Variants in ANKRD11 observed in about 807,000 individuals in gnomAD.
ANKRD11 encodes the protein ankyrin repeat domain 11, also known as ankyrin repeat domain-containing protein 11.
ANKRD11 carries 17 observed loss-of-function variants against 195.7 expected under a neutral mutation model. That is an observed-to-expected ratio of 0.09 (90% CI 0.06 to 0.13). ANKRD11 has a LOEUF of 0.13. ANKRD11 is among the 10% of genes least tolerant of loss of function. The probability of loss-of-function intolerance (pLI) is 1.00; values close to 1 mark genes in which losing one functional copy is unlikely to be tolerated. For synonymous variants in ANKRD11, 1,953 were observed against 1,528.1 expected, an observed-to-expected ratio of 1.28 and a Z score of -6.49; for missense variants, 3,735 against 3,566.1, an observed-to-expected ratio of 1.05 and a Z score of -1.21.
rs1051591833 is a variant in ANKRD11 at position 89,287,438 on chromosome 16, G to A, written c.744+1090C>T. The A allele has an allele frequency of 1.7e-5, 4 of 229,864 alleles. No individual in the cohort carries two copies. The Admixed American group carries it at 2.1e-4, about 12-fold the overall frequency. 14.2% of individuals were successfully genotyped at this position (229,864 alleles called of 1,614,324 possible). A position where few individuals can be genotyped will look rare whatever the true frequency, so the allele number is the denominator to read the frequency against. On this transcript the variant is annotated intron_variant, in intron 7 of 12. Transcript: ENST00000301030. ...ACCTCACCGTAATTCCAGGGTCCTTGACATTTTTCGTAATAAAAAGTTTAA... is the reference window on the plus strand; with the variant it reads ...ACCTCACCGTAATTCCAGGGTCCTTAACATTTTTCGTAATAAAAAGTTTAA...
intron 3 of ANKRD11, 122 bp downstream of exon 3, chr16:89,316,811 G>A: frequency 1.6e-6 from 2 of 1,224,366 alleles, no homozygotes; most frequent in South Asian, 1.3e-5. Context: ...CCTGGCTGCA[G>A]ACAGAGGCAC....
chr16:89,480,586 T>G (rs1048798139), intron 1 of ANKRD11, among the ~76,000 whole-genome samples: 4 of 152,214 alleles, frequency 2.6e-5, no homozygotes, highest in Middle Eastern at 3.4e-3. Context: ...CAAAAACAAG[T>G]CCAAGATGAG....
At chr16:89,273,045 A>C (rs1342673836) in intron 11 of ANKRD11, 1 of 21,478 alleles carries the variant, frequency 4.7e-5, no homozygotes, top group Non-Finnish European at 1.3e-4. Context: ...AATGGGTACC[A>C]AAAAAAAAAA....
chr16:89,479,289 T>C (rs1271561696), intron 1 of ANKRD11, among the ~76,000 whole-genome samples: 1 of 151,226 alleles, frequency 6.6e-6, no homozygotes, highest in African/African-American at 2.4e-5. Flanking sequence ...AAAAAAACAC[T>C]AATTACAAGG....
chr16:89,394,243 C>T (rs962405776), intron 2 of ANKRD11, among the ~76,000 whole-genome samples: 5 of 152,216 alleles, frequency 3.3e-5, no homozygotes, highest in African/African-American at 1.2e-4. Flanking sequence ...TGCAGTTCCA[C>T]AGTGGTCTCC....
intron 2 of ANKRD11, among the ~76,000 whole-genome samples, chr16:89,384,266 C>A (rs2040792686): frequency 6.6e-6 from 1 of 152,144 alleles, no homozygotes; most frequent in South Asian, 2.1e-4. Context: ...CACGGTGGCT[C>A]ACGCCTGTAA....
intron 11 of ANKRD11, chr16:89,271,399 C>T (rs887849174): frequency 2.5e-5 from 6 of 239,754 alleles, no homozygotes; most frequent in African/African-American, 1.4e-4. Flanking sequence ...CCACGCCCAG[C>T]TAATTTTGTA....
chr16:89,438,978 C>T (rs934273764), intron 1 of ANKRD11, among the ~76,000 whole-genome samples: 2 of 151,324 alleles, frequency 1.3e-5, no homozygotes, highest in African/African-American at 4.9e-5. Flanking sequence ...AACGACAGAG[C>T]AAGACCCTGC....
intron 1 of ANKRD11, among the ~76,000 whole-genome samples, chr16:89,460,549 A>T (rs1268439301): frequency 6.6e-6 from 1 of 152,148 alleles, no homozygotes; most frequent in Non-Finnish European, 1.5e-5. Flanking sequence ...ACAGAGCGAG[A>T]TTCTGTCTCA....
chr16:89,418,904 G>A (rs1336208884), intron 1 of ANKRD11, among the ~76,000 whole-genome samples: 1 of 151,884 alleles, frequency 6.6e-6, no homozygotes, highest in East Asian at 2.0e-4. Context: ...CGAGTAGATG[G>A]GATTACAGGC....
chr16:89,356,025 G>A (rs1376915003), intron 2 of ANKRD11, among the ~76,000 whole-genome samples: 1 of 152,202 alleles, frequency 6.6e-6, no homozygotes, highest in African/African-American at 2.4e-5. Flanking sequence ...AGGCGACAGT[G>A]AGCCCAGATA....
chr16:89,395,115 TGAAA>T (rs2041368221), intron 2 of ANKRD11, among the ~76,000 whole-genome samples: 2 of 152,136 alleles, frequency 1.3e-5, no homozygotes, highest in African/African-American at 4.8e-5. Flanking sequence ...CAGGACAAGA[TGAAA>T]GAGGGCCAAG....
rs778780920 is a variant in ANKRD11, at chr16:89,281,062, G to T, written c.5480C>A (p.Pro1827His). The T allele has an allele frequency of 6.2e-7, 1 of 1,606,766 alleles. No homozygotes were observed. The highest frequency in any genetic ancestry group is 1.7e-5 in the Admixed American group (1 of 59,498). Residue 1827 changes from proline (P) to histidine (H), a missense_variant, in exon 9 of 13, where the codon CCC becomes CAC. Coordinates refer to ENST00000301030, the MANE Select transcript of ANKRD11 (RefSeq NM_013275.6). This position sits in a 1 kb window ranked among gnomAD's most constrained non-coding sequence, Gnocchi z 5.5. ...CAGGGGCGCCCTGTCTTCCATCGAGGGTGGCATGGGAGAGTCGTAGCTGGA... is the reference window on the plus strand; with the variant it reads ...CAGGGGCGCCCTGTCTTCCATCGAGTGTGGCATGGGAGAGTCGTAGCTGGA... The part of the protein sequence containing the change: ...AASSYDSPMP[P>H]SMEDRAPLPP...
rs373218212 is a variant in ANKRD11, at chr16:89,280,477, G to C, written c.6065C>G (p.Pro2022Arg). The C allele has an allele frequency of 7.6e-6, 12 of 1,584,154 alleles. No individual in the cohort carries two copies. The highest frequency in any genetic ancestry group is 1.8e-4 in the Middle Eastern group (1 of 5,710). ...AGCGACGGGCAGAGCGTACGGGGCA[G>C]GAGAGGCGGGAGGGGCGGGGTACGG... is the stretch of plus-strand genomic sequence containing the variant. ...EAPYPAPPAS[P>R]APYALPVAEP... The change falls in exon 9 of 13, where the codon CCT (proline) becomes CGT (arginine). Residue 2022 changes from proline (P) to arginine (R), a missense_variant. Transcript: ENST00000301030.
chr16:89,309,439 T>C (rs1248165132), intron 3 of ANKRD11, among the ~76,000 whole-genome samples: 1 of 152,258 alleles, frequency 6.6e-6, no homozygotes, highest in Non-Finnish European at 1.5e-5. Flanking sequence ...ATCTGGGTGG[T>C]GATTATCCCT....
intron 1 of ANKRD11, among the ~76,000 whole-genome samples, chr16:89,480,646 CCTT>C (rs1279157733): frequency 6.6e-6 from 1 of 151,854 alleles, no homozygotes; most frequent in Admixed American, 6.6e-5. Flanking sequence ...TTTCTATACT[CCTT>C]CTAGCAGCAG....
intron 4 of ANKRD11, among the ~76,000 whole-genome samples, chr16:89,294,756 G>A (rs1424534177): frequency 1.3e-5 from 2 of 152,206 alleles, no homozygotes; most frequent in East Asian, 3.9e-4. Flanking sequence ...CACACAAGTG[G>A]GTCCCGCACT....
chr16:89,350,954 T>G (rs1480880393), intron 2 of ANKRD11, among the ~76,000 whole-genome samples: 1 of 152,160 alleles, frequency 6.6e-6, no homozygotes, highest in Non-Finnish European at 1.5e-5. Flanking sequence ...CCATGTAGCT[T>G]AGGTGTGTGG....
At chr16:89,338,516 G>A (rs1325048415) in intron 2 of ANKRD11, among the ~76,000 whole-genome samples, 4 of 151,448 alleles carry the variant, frequency 2.6e-5, no homozygotes, top group Non-Finnish European at 5.9e-5. Flanking sequence ...ATCACCTGAG[G>A]TCAGGAGTTC....
Sources: gnomAD v4.1 joint callset for allele counts (sites outside exome capture counted in the v4.1 genomes callset) on GRCh38, gnomAD v4.1.1 for gene constraint, Gnocchi (gnomAD v3.1) non-coding constraint, MANE v1.5 for transcripts, NCBI Gene and HGNC (gene_info 2026-07-23, HGNC 2026-07-21) for gene names.